The following PDGFRA variants were observed in gnomAD, a reference collection of about 807,000 sequenced individuals.
PDGFRA encodes the protein platelet-derived growth factor receptor alpha.
In PDGFRA, 25 loss-of-function variants were observed where a neutral mutation model predicts 121.5. The observed-to-expected ratio is 0.21, with a 90% CI of 0.15 to 0.29. PDGFRA has a LOEUF of 0.29. Among genes scored for constraint, PDGFRA ranks in the 10% least tolerant of loss-of-function variants. The pLI is 1.00. For synonymous variants in PDGFRA, 463 were observed against 494.8 expected (o/e 0.94, Z 0.85); for missense variants, 1,008 against 1,345.1 (o/e 0.75, Z 3.92).
In PDGFRA at chr4:54,272,476, G is replaced by T; in HGVS notation, c.1320G>T (p.Thr440=). ...CGGTGAGGTGCACAGCTGAAGGCAC[G>T]CCGCTTCCTGATATTGAGTGGATGA... is the stretch of plus-strand genomic sequence containing the variant. ...GQTVRCTAEG[T]PLPDIEWMIC... Residue 440 remains threonine (T), a synonymous_variant, in exon 9 of 23, where the codon ACG becomes ACT. Coordinates refer to ENST00000257290, the MANE Select transcript of PDGFRA (RefSeq NM_006206.6). 6.2e-7 allele frequency: 1 copy of T among 1,613,956 alleles called. No homozygotes were observed. Among genetic ancestry groups the T allele is most frequent in the Non-Finnish European group, 8.5e-7 (1 of 1,179,902 alleles).
intron 16 of PDGFRA, 99 bp from the exon 17 acceptor site, chr4:54,285,272 T>A: frequency 1.3e-6 from 1 of 742,238 alleles, no homozygotes; most frequent in Non-Finnish European, 2.5e-6. Flanking sequence ...ACAAAAAAAT[T>A]AAGAAAATAT....
intron 16 of PDGFRA, chr4:54,280,735 G>T (rs1724032753): frequency 1.2e-5 from 4 of 324,610 alleles, no homozygotes; most frequent in South Asian, 6.0e-5. Context: ...AATTTTCTTG[G>T]TGTGTTCCTG....
rs528092313 is a variant in PDGFRA, at chr4:54,273,809, G to T, written c.1558+79G>T. ...GCGGAACTTTGAATCCCAGATAGGG[G>T]TTATATAGAAATGAAGGTCCCAAGG... is the stretch of plus-strand genomic sequence containing the variant. On this transcript the variant is annotated intron_variant, in intron 10 of 22. Coordinates refer to ENST00000257290, the MANE Select transcript of PDGFRA (RefSeq NM_006206.6). The T allele has an allele frequency of 4.8e-5, 58 of 1,210,036 alleles. No individual in the cohort carries two copies. In the South Asian group the frequency reaches 6.6e-4, roughly 14 times the overall value. 75.0% of individuals were successfully genotyped at this position (1,210,036 alleles called of 1,614,324 possible). A position where few individuals can be genotyped will look rare whatever the true frequency, so the allele number is the denominator to read the frequency against.
chr4:54,264,569 C>T (rs1722929662), intron 4 of PDGFRA: 1 of 332,528 alleles, frequency 3.0e-6, no homozygotes, highest in East Asian at 8.1e-5. Context: ...GTGTCTAGAG[C>T]AGTGTGGATC....
intron 1 of PDGFRA, among the ~76,000 whole-genome samples, chr4:54,231,654 G>T (rs1720677163): frequency 6.6e-6 from 1 of 152,250 alleles, no homozygotes; most frequent in Non-Finnish European, 1.5e-5. Flanking sequence ...CCCGACAGGC[G>T]CAAGGCCGAC....
chr4:54,253,342 G>A (rs1204380459), intron 1 of PDGFRA, among the ~76,000 whole-genome samples: 6 of 152,184 alleles, frequency 3.9e-5, no homozygotes, highest in African/African-American at 1.4e-4. Context: ...CTTACTAGTC[G>A]TGCTTCCTAG....
intron 3 of PDGFRA, among the ~76,000 whole-genome samples, chr4:54,263,193 A>G (rs1722847571): frequency 6.6e-6 from 1 of 152,168 alleles, no homozygotes; most frequent in South Asian, 2.1e-4. Flanking sequence ...TAAAACTCGA[A>G]ATATTTTTTC....
At chr4:54,290,733 A>G (rs1366350058) in intron 22 of PDGFRA, among the ~76,000 whole-genome samples, 179 bp downstream of exon 22, 1 of 152,182 alleles carries the variant, frequency 6.6e-6, no homozygotes, top group Non-Finnish European at 1.5e-5. Context: ...TGATTCTAAT[A>G]TGTTCCCCCT....
chr4:54,245,531 C>A (rs2110200920), intron 1 of PDGFRA, among the ~76,000 whole-genome samples: 1 of 152,310 alleles, frequency 6.6e-6, no homozygotes, highest in African/African-American at 2.4e-5. Flanking sequence ...TCTGTCACCA[C>A]CAGGCCTGCC....
chr4:54,237,897 G>C (rs892287217), intron 1 of PDGFRA, among the ~76,000 whole-genome samples: 6 of 152,224 alleles, frequency 3.9e-5, no homozygotes, highest in Non-Finnish European at 8.8e-5. Context: ...AGACCATATG[G>C]TGAAGTGGAG....
intron 1 of PDGFRA, among the ~76,000 whole-genome samples, chr4:54,233,373 C>T (rs1334761112): frequency 6.6e-6 from 1 of 152,218 alleles, no homozygotes; most frequent in Non-Finnish European, 1.5e-5. Context: ...GCGAAGTCTG[C>T]GCGCAGCACT....
chr4:54,281,844 A>C (rs1054229071), intron 16 of PDGFRA: 137 of 1,230,572 alleles, frequency 1.1e-4, no homozygotes, highest in Non-Finnish European at 1.4e-4. Flanking sequence ...AAACAAAGAA[A>C]CTCAAAGGAA....
intron 9 of PDGFRA, among the ~76,000 whole-genome samples, chr4:54,273,140 C>T (rs1723495999): frequency 6.6e-6 from 1 of 152,112 alleles, no homozygotes; most frequent in South Asian, 2.1e-4. Context: ...CCTAGTGACA[C>T]CCTAGGGGCT....
At chr4:54,244,350 G>A (rs1246947639) in intron 1 of PDGFRA, among the ~76,000 whole-genome samples, 1 of 152,158 alleles carries the variant, frequency 6.6e-6, no homozygotes, top group Admixed American at 6.5e-5. Flanking sequence ...CACACAGCCG[G>A]GTACTCCTCT....
chr4:54,297,414 G>A lies in PDGFRA; in HGVS notation c.*2142G>A, dbSNP rs914482961. On this transcript the variant is annotated 3_prime_UTR_variant, in exon 23 of 23. Coordinates refer to ENST00000257290, the MANE Select transcript of PDGFRA (RefSeq NM_006206.6). ...TGAGCCAGATTGGCCAATTAAAAAC[G>A]AAAACCTGACTAGGTTCTGTAGAGC... The A allele has an allele frequency of 1.5e-4, 36 of 233,682 alleles. No individual in the cohort carries two copies. Among genetic ancestry groups the A allele is most frequent in the African/African-American group, 7.3e-4 (33 of 45,452 alleles). 14.5% of individuals were successfully genotyped at this position (233,682 alleles called of 1,614,324 possible).
At chr4:54,237,262 G>A (rs534355868) in intron 1 of PDGFRA, among the ~76,000 whole-genome samples, 79 of 152,258 alleles carry the variant, frequency 5.2e-4, no homozygotes, top group African/African-American at 1.9e-3. Flanking sequence ...GAGCCACCAC[G>A]CCCGGCCTCA....
Position 54,267,635 on chromosome 4 carries a change from G to T in PDGFRA, c.1015G>T (p.Val339Leu), listed in dbSNP as rs747257877. ...LHEVKHFVVE[V>L]RAYPPPRISW... The stretch of plus-strand genomic sequence containing the variant: ...TGAAGTCAAACATTTTGTTGTAGAG[G>T]TGCGGGCCTACCCACCTCCCAGGAT... Residue 339 changes from valine to leucine, a missense_variant, in exon 7 of 23, where the codon GTG (valine) becomes TTG (leucine). Coordinates refer to ENST00000257290, the MANE Select transcript of PDGFRA (RefSeq NM_006206.6). 6 of 1,614,128 alleles carry T rather than the reference G, an allele frequency of 3.7e-6. No homozygotes were observed. The highest frequency in any genetic ancestry group is 2.2e-5 in the East Asian group (1 of 44,878).
At chr4:54,233,485 G>A (rs1043018635) in intron 1 of PDGFRA, among the ~76,000 whole-genome samples, 5 of 152,224 alleles carry the variant, frequency 3.3e-5, no homozygotes, top group African/African-American at 1.2e-4. Flanking sequence ...TGGGCTCCGG[G>A]GACGCATCCC....
chr4:54,285,539 G>A, intron 17 of PDGFRA, 53 bp downstream of exon 17: 1 of 836,330 alleles, frequency 1.2e-6, no homozygotes, highest in Non-Finnish European at 2.1e-6. Context: ...TGAGTGGAGT[G>A]TGGACGGAGA....
Sources: gnomAD v4.1 joint callset for allele counts (sites outside exome capture counted in the v4.1 genomes callset) on GRCh38, gnomAD v4.1.1 for gene constraint, MANE v1.5 for transcripts, NCBI Gene and HGNC (gene_info 2026-07-23, HGNC 2026-07-21) for gene names.